The following GABBR2 variants were observed in gnomAD, a reference collection of about 807,000 sequenced individuals.
GABBR2 encodes gamma-aminobutyric acid type B receptor subunit 2.
A neutral mutation model predicts 105.6 loss-of-function variants in GABBR2; 23 were observed. The ratio of observed to expected loss-of-function variants is 0.22; its 90% CI spans 0.16 to 0.31. The LOEUF (loss-of-function observed/expected upper bound fraction) is 0.31. Among genes scored for constraint, GABBR2 ranks in the 10% least tolerant of loss-of-function variants. The pLI, the probability that GABBR2 is intolerant of heterozygous loss-of-function variation, is 1.00. For missense variants in GABBR2, 734 were observed against 1,245.5 expected (o/e 0.59, Z 6.18); for synonymous variants, 478 against 499.7 (o/e 0.96, Z 0.58).
At chr9:98,566,616 A>G (rs200616222) in intron 2 of GABBR2, among the ~76,000 whole-genome samples, 1 of 152,066 alleles carries the variant, frequency 6.6e-6, no homozygotes, top group Non-Finnish European at 1.5e-5. Flanking sequence ...TGGAGCTTGT[A>G]GTGAGCCGAG....
intron 1 of GABBR2, among the ~76,000 whole-genome samples, chr9:98,640,498 G>T (rs1829945262): frequency 6.6e-6 from 1 of 152,064 alleles, no homozygotes; most frequent in Admixed American, 6.6e-5. Context: ...AGGTCCTGCT[G>T]GCCAGAAACC....
intron 1 of GABBR2, among the ~76,000 whole-genome samples, chr9:98,585,494 G>A (rs1588239723): frequency 7.4e-6 from 1 of 134,480 alleles, no homozygotes; most frequent in East Asian, 2.4e-4. Flanking sequence ...ACTGGCGTAG[G>A]GTGGGGGGAG....
chr9:98,489,353 G>A (rs1827126972), intron 4 of GABBR2, among the ~76,000 whole-genome samples: 1 of 152,202 alleles, frequency 6.6e-6, no homozygotes, highest in South Asian at 2.1e-4. Context: ...TCTGGAAAGA[G>A]GTGGCTGCTG....
intron 4 of GABBR2, among the ~76,000 whole-genome samples, chr9:98,482,173 T>C (rs1323595814): frequency 6.6e-6 from 1 of 152,250 alleles, no homozygotes; most frequent in African/African-American, 2.4e-5. Flanking sequence ...GGCCCTTTGA[T>C]GCATAAAGTA....
At chr9:98,660,397 G>A (rs1386671080) in intron 1 of GABBR2, among the ~76,000 whole-genome samples, 2 of 151,852 alleles carry the variant, frequency 1.3e-5, no homozygotes, top group Non-Finnish European at 2.9e-5. Flanking sequence ...TTTTTTGCTT[G>A]TACCAACCTG....
intron 1 of GABBR2, among the ~76,000 whole-genome samples, chr9:98,696,660 G>A (rs972042238): frequency 2.0e-5 from 3 of 152,212 alleles, no homozygotes; most frequent in Non-Finnish European, 4.4e-5. Context: ...TGCTTAGCAA[G>A]TATAGCCTAA....
chr9:98,379,560 C>A (rs1831936213), intron 11 of GABBR2, among the ~76,000 whole-genome samples: 1 of 152,218 alleles, frequency 6.6e-6, no homozygotes. Flanking sequence ...TGAGCCACCG[C>A]ACCTGGCCTC....
intron 3 of GABBR2, among the ~76,000 whole-genome samples, chr9:98,497,884 G>T (rs370154594): frequency 6.6e-6 from 1 of 152,114 alleles, no homozygotes; most frequent in Non-Finnish European, 1.5e-5. Flanking sequence ...TTCTGGGCAC[G>T]TACCCAAAAG....
chr9:98,538,189 A>G (rs989483979), intron 3 of GABBR2, among the ~76,000 whole-genome samples: 1 of 152,232 alleles, frequency 6.6e-6, no homozygotes, highest in Non-Finnish European at 1.5e-5. Context: ...GGTAGGATAA[A>G]TAGCCCCATT....
At chr9:98,545,304 G>A (rs1265063003) in intron 2 of GABBR2, among the ~76,000 whole-genome samples, 1 of 152,160 alleles carries the variant, frequency 6.6e-6, no homozygotes, top group Non-Finnish European at 1.5e-5. Flanking sequence ...AATATTAACT[G>A]GCACTGACAT....
At chr9:98,465,459 T>A (rs1826529062) in intron 6 of GABBR2, among the ~76,000 whole-genome samples, 1 of 152,214 alleles carries the variant, frequency 6.6e-6, no homozygotes, top group African/African-American at 2.4e-5. Context: ...GATAGGAAAA[T>A]ATCTTCATAG....
chr9:98,394,333 C>T (rs1832249213), intron 8 of GABBR2, 78 bp from the exon 9 acceptor site: 6 of 977,936 alleles, frequency 6.1e-6, no homozygotes, highest in South Asian at 2.7e-5. Flanking sequence ...CAGGCTCTTG[C>T]TCCCCTCACA....
At chr9:98,697,033 T>C (rs1830761759) in intron 1 of GABBR2, among the ~76,000 whole-genome samples, 1 of 152,110 alleles carries the variant, frequency 6.6e-6, no homozygotes, top group African/African-American at 2.4e-5. Flanking sequence ...CTTGCTTTTA[T>C]GGGAGGAAAA....
intron 13 of GABBR2, among the ~76,000 whole-genome samples, chr9:98,322,500 C>T (rs1417815941): frequency 6.6e-6 from 1 of 152,020 alleles, no homozygotes; most frequent in Admixed American, 6.6e-5. Context: ...AGTGATCATC[C>T]GCGCCGTGCT....
intron 3 of GABBR2, among the ~76,000 whole-genome samples, chr9:98,506,824 T>A (rs1026978809): frequency 6.6e-6 from 1 of 152,108 alleles, no homozygotes; most frequent in African/African-American, 2.4e-5. Flanking sequence ...TACATGGCAA[T>A]TGGGAGCAGA....
intron 4 of GABBR2, among the ~76,000 whole-genome samples, chr9:98,482,873 C>CCT (rs1007129201): frequency 3.4e-4 from 51 of 152,212 alleles, no homozygotes; most frequent in African/African-American, 1.2e-3. Context: ...TGCTCATACT[C>CCT]CTCATCATCA....
intron 4 of GABBR2, among the ~76,000 whole-genome samples, chr9:98,491,872 T>C (rs928050551): frequency 6.6e-6 from 1 of 152,204 alleles, no homozygotes; most frequent in Non-Finnish European, 1.5e-5. Context: ...GTTCCAATGA[T>C]CCCTGCTCAG....
intron 1 of GABBR2, among the ~76,000 whole-genome samples, chr9:98,624,009 G>A (rs1442549772): frequency 6.6e-6 from 1 of 152,166 alleles, no homozygotes; most frequent in East Asian, 1.9e-4. Context: ...GGGATTCAAA[G>A]GCACAGTCAA....
At chr9:98,691,045 T>C (rs369567448) in intron 1 of GABBR2, among the ~76,000 whole-genome samples, 2 of 152,256 alleles carry the variant, frequency 1.3e-5, no homozygotes, top group Non-Finnish European at 2.9e-5. Flanking sequence ...GCATCTATTA[T>C]GTCCACCTAC....
Sources: gnomAD v4.1 joint callset for allele counts (sites outside exome capture counted in the v4.1 genomes callset) on GRCh38, gnomAD v4.1.1 for gene constraint, MANE v1.5 for transcripts, NCBI Gene and HGNC (gene_info 2026-07-23, HGNC 2026-07-21) for gene names.